Variants in FBXL17 observed in about 807,000 individuals in gnomAD.
The protein encoded by FBXL17 is F-box/LRR-repeat protein 17.
FBXL17 carries 22 observed loss-of-function variants against 66.2 expected under a neutral mutation model. That is an observed-to-expected ratio of 0.33 (90% CI 0.24 to 0.47). The LOEUF (loss-of-function observed/expected upper bound fraction) is 0.47. Among genes scored for constraint, FBXL17 ranks in the 20% least tolerant of loss-of-function variants. The probability of loss-of-function intolerance (pLI) is 1.00; values close to 1 mark genes in which losing one functional copy is unlikely to be tolerated. For synonymous variants in FBXL17, 474 were observed against 400.5 expected (o/e 1.18, Z -2.19); for missense variants, 878 against 948.2 (o/e 0.93, Z 0.97).
intron 6 of FBXL17, among the ~76,000 whole-genome samples, chr5:108,182,785 T>C (rs1487033366): frequency 6.6e-6 from 1 of 152,170 alleles, no homozygotes; most frequent in Non-Finnish European, 1.5e-5. Flanking sequence ...GACATTTTCA[T>C]TTGTAAATTA....
At chr5:108,183,860 TC>T (rs2044651461) in intron 6 of FBXL17, among the ~76,000 whole-genome samples, 1 of 152,186 alleles carries the variant, frequency 6.6e-6, no homozygotes, top group African/African-American at 2.4e-5. Flanking sequence ...AATAATGACC[TC>T]CAGTTCCATT....
chr5:107,918,229 G>A (rs933379503), intron 7 of FBXL17, among the ~76,000 whole-genome samples: 1 of 152,192 alleles, frequency 6.6e-6, no homozygotes, highest in Admixed American at 6.5e-5. Flanking sequence ...TGGAGGCTGT[G>A]GGGCTGGGGC....
chr5:107,944,563 G>A (rs150388150), intron 7 of FBXL17, among the ~76,000 whole-genome samples: 6 of 152,246 alleles, frequency 3.9e-5, no homozygotes, highest in African/African-American at 1.4e-4. Context: ...GTTGGTAGTT[G>A]TTAAGTAAGG....
At chr5:108,051,062 C>A (rs926444794) in intron 6 of FBXL17, among the ~76,000 whole-genome samples, 75 of 152,070 alleles carry the variant, frequency 4.9e-4, no homozygotes, top group Non-Finnish European at 7.6e-4. Flanking sequence ...CTGAATAGAC[C>A]AATAACAAGT....
chr5:108,077,393 A>C (rs1315811522), intron 6 of FBXL17, among the ~76,000 whole-genome samples: 2 of 152,176 alleles, frequency 1.3e-5, no homozygotes, highest in Non-Finnish European at 2.9e-5. Context: ...GCTAGGAATG[A>C]TGGCTCATGC....
intron 6 of FBXL17, among the ~76,000 whole-genome samples, chr5:108,155,466 G>A (rs1245432389): frequency 2.6e-5 from 4 of 152,084 alleles, no homozygotes; most frequent in African/African-American, 9.7e-5. Context: ...AGTGAGACGA[G>A]ATCGCACCAC....
intron 6 of FBXL17, among the ~76,000 whole-genome samples, chr5:108,163,907 T>G (rs1395818999): frequency 3.9e-5 from 6 of 152,216 alleles, no homozygotes; most frequent in Non-Finnish European, 7.3e-5. Context: ...AAGTCTTTAT[T>G]GGTTATCTTA....
intron 7 of FBXL17, among the ~76,000 whole-genome samples, chr5:107,982,276 T>A (rs1199912183): frequency 1.3e-5 from 2 of 152,174 alleles, no homozygotes; most frequent in Non-Finnish European, 2.9e-5. Context: ...ACATCAGGCA[T>A]ACTTTATAGG....
intron 3 of FBXL17, among the ~76,000 whole-genome samples, chr5:108,360,384 T>A (rs1748267364): frequency 6.6e-6 from 1 of 152,152 alleles, no homozygotes; most frequent in African/African-American, 2.4e-5. Context: ...TTGACTTTTT[T>A]TTCTTTCGAC....
intron 4 of FBXL17, among the ~76,000 whole-genome samples, chr5:108,233,792 C>A (rs767653854): frequency 6.6e-6 from 1 of 152,172 alleles, no homozygotes; most frequent in Non-Finnish European, 1.5e-5. Context: ...TGTCAACACA[C>A]ATCAAGATCC....
At chr5:108,022,186 A>C (rs288167) in intron 6 of FBXL17, among the ~76,000 whole-genome samples, 117,781 of 151,596 alleles carry the variant, frequency 0.78, 46,119 homozygotes, top group East Asian at 0.93. Context: ...AATAAACATT[A>C]TTTTTCTTCC....
intron 7 of FBXL17, among the ~76,000 whole-genome samples, chr5:107,934,933 G>A (rs1315450884): frequency 8.5e-5 from 13 of 152,078 alleles, no homozygotes; most frequent in African/African-American, 3.1e-4. Flanking sequence ...GTATTCTTTT[G>A]ACTGGAAATA....
At chr5:108,350,945 G>C (rs185088674) in intron 3 of FBXL17, among the ~76,000 whole-genome samples, 5 of 152,102 alleles carry the variant, frequency 3.3e-5, no homozygotes, top group Admixed American at 2.6e-4. Context: ...GATAACGGTC[G>C]TAAGATACTA....
chr5:108,218,031 T>C (rs943213981), intron 5 of FBXL17, among the ~76,000 whole-genome samples: 1 of 148,564 alleles, frequency 6.7e-6, no homozygotes, highest in African/African-American at 2.5e-5. Context: ...TTTTTTTTTT[T>C]TTTTGAGACA....
chr5:108,187,042 T>G (rs1371776503), intron 5 of FBXL17, among the ~76,000 whole-genome samples: 1 of 152,186 alleles, frequency 6.6e-6, no homozygotes, highest in African/African-American at 2.4e-5. Flanking sequence ...TACTCCAAAC[T>G]GTACTATTAT....
chr5:108,014,034 C>T (rs753491310), intron 7 of FBXL17, among the ~76,000 whole-genome samples: 12 of 151,910 alleles, frequency 7.9e-5, no homozygotes, highest in Admixed American at 7.2e-4. Flanking sequence ...TATATATATA[C>T]CTTTAGATAG....
chr5:108,269,213 G>C (rs773862105), intron 4 of FBXL17, among the ~76,000 whole-genome samples: 4 of 152,046 alleles, frequency 2.6e-5, no homozygotes, highest in Non-Finnish European at 4.4e-5. Flanking sequence ...AGGAAGGTAA[G>C]AGTGATCTTC....
At chr5:108,108,054 T>C (rs928442274) in intron 6 of FBXL17, among the ~76,000 whole-genome samples, 9 of 152,240 alleles carry the variant, frequency 5.9e-5, no homozygotes, top group African/African-American at 2.2e-4. Flanking sequence ...CACACTAGTG[T>C]GTTTCTGCTT....
At position 108,046,375 on chromosome 5, in the gene FBXL17, C is replaced by T. The variant is rs540620815; in HGVS notation, c.1746-25374G>A. 2.6e-5 allele frequency among the ~76,000 whole-genome samples: 4 copies of T among 152,232 alleles called. No individual in the cohort carries two copies. The East Asian group carries it at 7.7e-4, about 29-fold the overall frequency. On this transcript the variant is annotated intron_variant, in intron 6 of 8. Transcript: ENST00000542267. The stretch of plus-strand genomic sequence containing the variant: ...TATTAAACACAGCATATACTTGGGT[C>T]ATGTTTTAAAATCAACTCTGTAAAT...
Sources: allele counts gnomAD v4.1 joint callset (sites outside exome capture counted in the v4.1 genomes callset), GRCh38; gene constraint gnomAD v4.1.1; transcripts MANE v1.5; gene names NCBI Gene and HGNC (gene_info 2026-07-23, HGNC 2026-07-21).